The following VWC2L variants were observed in gnomAD, a reference collection of about 807,000 sequenced individuals.
The protein encoded by VWC2L is von Willebrand factor C domain containing 2 like.
A neutral mutation model predicts 21.6 loss-of-function variants in VWC2L; 10 were observed. The observed-to-expected ratio is 0.46, with a 90% CI of 0.29 to 0.78. VWC2L has a LOEUF of 0.78. Among genes scored for constraint, VWC2L ranks in the 30% least tolerant of loss-of-function variants. The pLI is 0.10. For missense variants in VWC2L, 209 were observed against 277.1 expected (o/e 0.75, Z 1.74); for synonymous variants, 96 against 94.3 (o/e 1.02, Z -0.10).
chr2:214,454,237 T>A (rs534657170), intron 3 of VWC2L, among the ~76,000 whole-genome samples: 2 of 152,170 alleles, frequency 1.3e-5, no homozygotes, highest in East Asian at 3.9e-4. Context: ...AAGACAGTTC[T>A]ATTACTTCCT....
At chr2:214,454,598 CTTTTTTTTTTTT>C (rs34032234) in intron 3 of VWC2L, among the ~76,000 whole-genome samples, 20 of 64,134 alleles carry the variant, frequency 3.1e-4, no homozygotes, top group Non-Finnish European at 4.8e-4. Flanking sequence ...GATTGATTTT[CTTTTTTTTTTTT>C]TTTTTTTTTT....
chr2:214,574,822 A>G (rs16852029), intron 3 of VWC2L, among the ~76,000 whole-genome samples: 2,700 of 152,178 alleles, frequency 0.018, 87 homozygotes, highest in African/African-American at 0.061. Context: ...TGATATTCCT[A>G]CGTTGGGAAG....
intron 3 of VWC2L, among the ~76,000 whole-genome samples, chr2:214,505,642 G>A (rs1274102122): frequency 6.6e-6 from 1 of 152,108 alleles, no homozygotes; most frequent in Non-Finnish European, 1.5e-5. Flanking sequence ...CATTGGCATT[G>A]AGTTACCACA....
At chr2:214,419,687 A>T (rs908365009) in intron 2 of VWC2L, among the ~76,000 whole-genome samples, 3 of 152,238 alleles carry the variant, frequency 2.0e-5, no homozygotes, top group African/African-American at 7.2e-5. Flanking sequence ...GGCCAAAGAC[A>T]GTGGACCAGG....
rs568615407 is a variant in VWC2L at position 214,576,477 on chromosome 2, C to A, written c.*657C>A. On this transcript the variant is annotated 3_prime_UTR_variant, in exon 4 of 4. Coordinates refer to ENST00000312504, the MANE Select transcript of VWC2L (RefSeq NM_001080500.4). ...ACTTTGTCCATTACGTGGGGGCTCA[C>A]AATTTAATTCTTACAAACCACACAT... is the stretch of plus-strand genomic sequence containing the variant. The A allele has an allele frequency of 1.3e-5, 2 of 152,240 alleles. No individual in the cohort carries two copies. Among genetic ancestry groups the A allele is most frequent in the Non-Finnish European group, 2.9e-5 (2 of 68,024 alleles). 9.4% of individuals were successfully genotyped at this position (152,240 alleles called of 1,614,324 possible).
At chr2:214,453,796 C>T (rs1489164446) in intron 3 of VWC2L, among the ~76,000 whole-genome samples, 1 of 151,042 alleles carries the variant, frequency 6.6e-6, no homozygotes, top group Non-Finnish European at 1.5e-5. Context: ...TCTCATCTCA[C>T]TACAACCTCC....
At chr2:214,571,449 C>T (rs1317141850) in intron 3 of VWC2L, among the ~76,000 whole-genome samples, 2 of 152,122 alleles carry the variant, frequency 1.3e-5, no homozygotes, top group Non-Finnish European at 2.9e-5. Context: ...AAATTATCAC[C>T]ATGTGTTTTC....
intron 3 of VWC2L, among the ~76,000 whole-genome samples, chr2:214,498,842 G>A (rs991736008): frequency 1.3e-5 from 2 of 150,014 alleles, no homozygotes; most frequent in Non-Finnish European, 3.0e-5. Flanking sequence ...AAAAACCCAC[G>A]GGCAGATATA....
At chr2:214,421,137 T>C (rs770316184) in intron 2 of VWC2L, among the ~76,000 whole-genome samples, 1 of 152,200 alleles carries the variant, frequency 6.6e-6, no homozygotes, top group South Asian at 2.1e-4. Context: ...CACTGCACAC[T>C]TTTTGCACCC....
chr2:214,440,434 C>G (rs1417891904), intron 3 of VWC2L, among the ~76,000 whole-genome samples: 6 of 151,984 alleles, frequency 3.9e-5, no homozygotes, highest in African/African-American at 1.4e-4. Flanking sequence ...GTTACTTTGA[C>G]CTATCTTTCA....
chr2:214,551,115 A>C (rs13409910), intron 3 of VWC2L, among the ~76,000 whole-genome samples: 4,895 of 152,304 alleles, frequency 0.032, 102 homozygotes, highest in Middle Eastern at 0.078. Context: ...TTTAAAAGAA[A>C]AAGATAGTTA....
Position 214,533,274 on chromosome 2 carries a change from T to A in VWC2L, c.521-42398T>A, listed in dbSNP as rs185423999. On this transcript the variant is annotated intron_variant, in intron 3 of 3. Transcript: ENST00000312504. ...GTATATTTATATGTATGCAGATGTA[T>A]ATATATTAAAGCACTTTAGCTTATG... is the stretch of plus-strand genomic sequence containing the variant. Among the ~76,000 whole-genome samples the A allele has an allele frequency of 1.4e-4, 21 of 152,234 alleles. No homozygotes were observed. The East Asian group carries it at 3.5e-3, about 25-fold the overall frequency.
At chr2:214,492,901 C>G (rs1201160354) in intron 3 of VWC2L, among the ~76,000 whole-genome samples, 1 of 152,112 alleles carries the variant, frequency 6.6e-6, no homozygotes, top group African/African-American at 2.4e-5. Flanking sequence ...TTTGCTGGGG[C>G]TTTTGCTCAC....
At chr2:214,559,343 A>G (rs1247469157) in intron 3 of VWC2L, among the ~76,000 whole-genome samples, 1 of 152,104 alleles carries the variant, frequency 6.6e-6, no homozygotes, top group Non-Finnish European at 1.5e-5. Context: ...AAAAACAGTA[A>G]GAACATGCTC....
chr2:214,458,133 T>G (rs1313326081), intron 3 of VWC2L, among the ~76,000 whole-genome samples: 1 of 152,102 alleles, frequency 6.6e-6, no homozygotes, highest in African/African-American at 2.4e-5. Context: ...TCACTCATCA[T>G]TGGTCTATTC....
chr2:214,429,916 T>C (rs1294903712), intron 2 of VWC2L, among the ~76,000 whole-genome samples: 1 of 152,078 alleles, frequency 6.6e-6, no homozygotes. Context: ...CTCCGCCTCC[T>C]GGGTTCAAGC....
At chr2:214,421,313 T>C (rs1440785156) in intron 2 of VWC2L, among the ~76,000 whole-genome samples, 1 of 152,246 alleles carries the variant, frequency 6.6e-6, no homozygotes, top group Non-Finnish European at 1.5e-5. Flanking sequence ...AATAAATGGC[T>C]TCCAAATTAA....
At chr2:214,515,584 C>T (rs890152147) in intron 3 of VWC2L, among the ~76,000 whole-genome samples, 1 of 152,156 alleles carries the variant, frequency 6.6e-6, no homozygotes, top group Non-Finnish European at 1.5e-5. Context: ...GACGGAGTCT[C>T]GCTCTGTCAC....
chr2:214,561,809 T>TATATAC lies in VWC2L; in HGVS notation c.521-13862_521-13861insTATACA, dbSNP rs1489588765. Among the ~76,000 whole-genome samples, 70 of 127,222 alleles carry TATATAC rather than the reference T, an allele frequency of 5.5e-4. 3 individuals are homozygous for TATATAC. The highest frequency in any genetic ancestry group is 7.8e-4 in the Non-Finnish European group (49 of 62,712). 83.5% of individuals were successfully genotyped at this position (127,222 alleles called of 152,430 possible). ...TTATATATATATATATATATATATATACACACACATATATAATTTTATATA... is the reference window on the plus strand; with the variant it reads ...TTATATATATATATATATATATATATATATACACACACACATATATAATTTTATATA... On this transcript the variant is annotated intron_variant, in intron 3 of 3. Transcript: ENST00000312504.
Sources: allele counts gnomAD v4.1 joint callset (sites outside exome capture counted in the v4.1 genomes callset), GRCh38; gene constraint gnomAD v4.1.1; transcripts MANE v1.5; gene names NCBI Gene and HGNC (gene_info 2026-07-23, HGNC 2026-07-21).